The following LRPPRC variants were observed in gnomAD, a reference collection of about 807,000 sequenced individuals.
The protein encoded by LRPPRC is leucine-rich PPR motif-containing protein, mitochondrial.
A neutral mutation model predicts 180.3 loss-of-function variants in LRPPRC; 120 were observed. The ratio of observed to expected loss-of-function variants is 0.67; its 90% confidence interval spans 0.57 to 0.77. The LOEUF (loss-of-function observed/expected upper bound fraction) is 0.77, where lower values mean the gene tolerates loss of function less well. Ranked by LOEUF, LRPPRC falls within the 30% of genes least tolerant of loss-of-function variation. LRPPRC has a pLI of 0.00. For synonymous variants in LRPPRC, 723 were observed against 600.0 expected, an observed-to-expected ratio of 1.21 and a Z score of -3.00; for missense variants, 2,012 against 1,657.2, an observed-to-expected ratio of 1.21 and a Z score of -3.72.
At position 43,961,851 on chromosome 2, in the gene LRPPRC, C is replaced by T. The variant is rs1412306578; in HGVS notation, c.1489-1217G>A. 3.9e-5 allele frequency among the ~76,000 whole-genome samples: 6 copies of T among 152,276 alleles called. No homozygotes were observed. In the East Asian group the frequency reaches 1.2e-3, roughly 29 times the overall value. Reference sequence around the variant, plus strand: ...TGGTGGGCACCTGTAATCCCAGCTACTTGGGAGGCTGAGGCAGAAGAATCG... The same window carrying T: ...TGGTGGGCACCTGTAATCCCAGCTATTTGGGAGGCTGAGGCAGAAGAATCG... On this transcript the variant is annotated intron_variant, in intron 12 of 37. Coordinates refer to ENST00000260665, the MANE Select transcript of LRPPRC (RefSeq NM_133259.4).
intron 29 of LRPPRC, among the ~76,000 whole-genome samples, chr2:43,914,692 G>A (rs766861587): frequency 6.6e-5 from 10 of 151,812 alleles, no homozygotes; most frequent in Non-Finnish European, 1.2e-4. Context: ...TTGCGCCACC[G>A]CACTCCATCC....
chr2:43,944,167 TG>T, intron 22 of LRPPRC, among the ~76,000 whole-genome samples: 1 of 152,076 alleles, frequency 6.6e-6, no homozygotes, highest in Non-Finnish European at 1.5e-5. Flanking sequence ...GCCCTATAGC[TG>T]TAAGATCCTC....
intron 13 of LRPPRC, among the ~76,000 whole-genome samples, chr2:43,958,347 G>A (rs951557099): frequency 7.2e-5 from 11 of 152,174 alleles, no homozygotes; most frequent in Admixed American, 2.0e-4. Context: ...AAATTCTGAA[G>A]ACAATAAATA....
At chr2:43,994,504 G>T (rs1674931967) in intron 1 of LRPPRC, among the ~76,000 whole-genome samples, 1 of 152,084 alleles carries the variant, frequency 6.6e-6, no homozygotes, top group African/African-American at 2.4e-5. Flanking sequence ...CCACCTTATA[G>T]CTAAGGAAGC....
At chr2:43,914,807 A>G (rs748400705) in intron 29 of LRPPRC, among the ~76,000 whole-genome samples, 1 of 152,194 alleles carries the variant, frequency 6.6e-6, no homozygotes, top group Non-Finnish European at 1.5e-5. Context: ...GTAGCTCCAC[A>G]TTTATAATAC....
intron 11 of LRPPRC, among the ~76,000 whole-genome samples, chr2:43,968,440 C>T (rs1020258435): frequency 1.3e-5 from 2 of 152,134 alleles, no homozygotes; most frequent in African/African-American, 4.8e-5. Flanking sequence ...TTCTTGTGGT[C>T]TAAATTCTTA....
intron 11 of LRPPRC, among the ~76,000 whole-genome samples, chr2:43,968,264 T>A (rs567535258): frequency 1.3e-5 from 2 of 152,354 alleles, no homozygotes; most frequent in East Asian, 3.9e-4. Context: ...CCAGACGCTT[T>A]TACACATATT....
intron 8 of LRPPRC, 45 bp from the exon 9 acceptor site, chr2:43,974,340 AT>A: frequency 2.2e-6 from 3 of 1,380,502 alleles, no homozygotes; most frequent in Non-Finnish European, 3.1e-6. Context: ...ACTGAACAAT[AT>A]TTTTACACTG....
In LRPPRC at chr2:43,886,578, G is replaced by C. The variant is rs542262231; in HGVS notation, c.*2022C>G. ...CCCCCCGCTGCTGCCGAGAGGGCTA[G>C]ATAAGGGGGTCTTACCTATTTCCTC... On this transcript the variant is annotated 3_prime_UTR_variant, in exon 38 of 38. Transcript: ENST00000260665. 1.5e-4 allele frequency: 23 copies of C among 152,352 alleles called. No homozygotes were observed. Among genetic ancestry groups the C allele is most frequent in the African/African-American group, 5.3e-4 (22 of 41,570 alleles). 9.4% of individuals were successfully genotyped at this position (152,352 alleles called of 1,614,324 possible).
intron 1 of LRPPRC, among the ~76,000 whole-genome samples, chr2:43,991,078 GGAGTGCA>G (rs1674757628): frequency 6.7e-6 from 1 of 149,264 alleles, no homozygotes; most frequent in African/African-American, 2.5e-5. Flanking sequence ...CACTGAGGCT[GGAGTGCA>G]GTGGCCTGAT....
In LRPPRC at chr2:43,916,950, G is replaced by GAA. The variant is rs763964823; in HGVS notation, c.3148+1073_3148+1074dup. Among the ~76,000 whole-genome samples, 222 of 118,086 alleles carry GAA rather than the reference G, an allele frequency of 1.9e-3. 1 individual carries two copies. Among genetic ancestry groups the GAA allele is most frequent in the African/African-American group, 2.7e-3 (88 of 32,996 alleles). The allele number at this position is 118,086 out of a possible 152,430, so 77.5% of individuals were successfully genotyped here. ...ACAGAGTGAGACCTGTCTCCGGGGG[G>GAA]AAAAAAAAAAAAAAAAAAAGAATAG... On this transcript the variant is annotated intron_variant, in intron 29 of 37. Transcript: ENST00000260665.
chr2:43,961,385 T>A (rs1408235927), intron 12 of LRPPRC, among the ~76,000 whole-genome samples: 1 of 152,194 alleles, frequency 6.6e-6, no homozygotes, highest in Non-Finnish European at 1.5e-5. Flanking sequence ...TCTTTCTTTT[T>A]ATTAAACTAT....
chr2:43,909,637 A>G (rs1302756207), intron 30 of LRPPRC, among the ~76,000 whole-genome samples: 1 of 149,982 alleles, frequency 6.7e-6, no homozygotes, highest in Non-Finnish European at 1.5e-5. Context: ...TAATAATAAT[A>G]ATAATAATAA....
rs1670346295 is a variant in LRPPRC at position 43,888,371 on chromosome 2, C to T, written c.*229G>A. ...AATCCTGAAAAAGTATGGCTTCACA[C>T]AGCAGCAGCATTGAAGAAAACACTA... On this transcript the variant is annotated 3_prime_UTR_variant, in exon 38 of 38. Coordinates refer to ENST00000260665, the MANE Select transcript of LRPPRC (RefSeq NM_133259.4). 2 of 448,978 alleles carry T rather than the reference C, an allele frequency of 4.5e-6. No homozygotes were observed. The highest frequency in any genetic ancestry group is 8.2e-6 in the Non-Finnish European group (2 of 245,144). The allele number at this position is 448,978 out of a possible 1,614,324, so 27.8% of individuals were successfully genotyped here.
At position 43,962,113 on chromosome 2, in the gene LRPPRC, G is replaced by C. The variant is rs979289145; in HGVS notation, c.1488+1475C>G. On this transcript the variant is annotated intron_variant, in intron 12 of 37. Coordinates refer to ENST00000260665, the MANE Select transcript of LRPPRC (RefSeq NM_133259.4). ...ATGAGAATGAATGTAACCAAATTTGGGATAAGTTTCCAAATTAGATCTGCT... is the reference window on the plus strand; with the variant it reads ...ATGAGAATGAATGTAACCAAATTTGCGATAAGTTTCCAAATTAGATCTGCT... Among the ~76,000 whole-genome samples, 40 of 152,068 alleles carry C rather than the reference G, an allele frequency of 2.6e-4. 1 individual carries two copies. The highest frequency in any genetic ancestry group is 8.9e-4 in the African/African-American group (37 of 41,414).
At chr2:43,974,122 G>T in intron 9 of LRPPRC, 28 bp downstream of exon 9, 3 of 1,600,934 alleles carry the variant, frequency 1.9e-6, no homozygotes, top group Non-Finnish European at 2.6e-6. Flanking sequence ...CAATTACATT[G>T]TCTACAAAGT....
At chr2:43,986,373 G>A (rs1019558853) in intron 1 of LRPPRC, among the ~76,000 whole-genome samples, 10 of 152,004 alleles carry the variant, frequency 6.6e-5, no homozygotes, top group Non-Finnish European at 1.2e-4. Context: ...CAAGCGATCC[G>A]CCCACCTTGG....
chr2:43,995,430 G>A (rs1674998182), intron 1 of LRPPRC, among the ~76,000 whole-genome samples: 1 of 152,184 alleles, frequency 6.6e-6, no homozygotes, highest in South Asian at 2.1e-4. Context: ...GTGACCGCAC[G>A]TGGGACACCA....
At chr2:43,892,618 C>CA (rs1670531462) in intron 36 of LRPPRC, 1 of 152,118 alleles carries the variant, frequency 6.6e-6, no homozygotes, top group Non-Finnish European at 1.5e-5. Flanking sequence ...TTCTCAGGTG[C>CA]CCTAATAAAA....
Sources: allele counts gnomAD v4.1 joint callset (sites outside exome capture counted in the v4.1 genomes callset), GRCh38; gene constraint gnomAD v4.1.1; transcripts MANE v1.5; gene names NCBI Gene and HGNC (gene_info 2026-07-23, HGNC 2026-07-21).